The following MGST1 variants were observed in gnomAD, a reference collection of about 807,000 sequenced individuals.
The protein encoded by MGST1 is microsomal glutathione S-transferase 1.
A neutral mutation model predicts 8.9 loss-of-function variants in MGST1; 5 were observed. That is an observed-to-expected ratio of 0.56 (90% CI 0.29 to 1.19). MGST1 has a LOEUF of 1.19. Ranked by LOEUF, MGST1 falls within the 50% of genes most tolerant of loss-of-function variation. The pLI is 0.08. For missense variants in MGST1, 182 were observed against 187.4 expected, an observed-to-expected ratio of 0.97 and a Z score of 0.17; for synonymous variants, 54 against 67.8, an observed-to-expected ratio of 0.80 and a Z score of 1.00.
At chr12:16,448,151 A>G (rs1279559631) in intron 4 of MGST1, among the ~76,000 whole-genome samples, 3 of 151,956 alleles carry the variant, frequency 2.0e-5, no homozygotes, top group Non-Finnish European at 2.9e-5. Context: ...TGAAAGGACA[A>G]TGAGTACGAC....
At position 16,546,573 on chromosome 12, in the gene MGST1, T is replaced by G. The variant is rs555663920; in HGVS notation, n.483-42955T>G. 3.3e-5 allele frequency among the ~76,000 whole-genome samples: 5 copies of G among 152,296 alleles called. No individual in the cohort carries two copies. The highest frequency in any genetic ancestry group is 1.3e-4 in the Admixed American group (2 of 15,270). ...AACAGGAGTATCTTTGAATTTAACA[T>G]ATTTTCCTTTTCAGAAAACAGAATT... On this transcript the variant is annotated intron_variant and non_coding_transcript_variant, in intron 4 of 4. Transcript: ENST00000538857. The surrounding 1 kb of genome is among the most constrained non-coding windows in gnomAD (Gnocchi z 4.7).
Position 16,364,156 on chromosome 12 carries a change from G to A in MGST1, c.*115G>A. 2 of 1,401,324 alleles carry A rather than the reference G, an allele frequency of 1.4e-6. No homozygotes were observed. Among genetic ancestry groups the A allele is most frequent in the South Asian group, 1.8e-5 (1 of 55,302 alleles). The allele number at this position is 1,401,324 out of a possible 1,614,324, so 86.8% of individuals were successfully genotyped here. On this transcript the variant is annotated 3_prime_UTR_variant, in exon 4 of 4. Coordinates refer to ENST00000396210, the MANE Select transcript of MGST1 (RefSeq NM_020300.5). The surrounding 1 kb of genome is among the most constrained non-coding windows in gnomAD (Gnocchi z 5.7). Reference sequence around the variant, plus strand: ...AGGGGAGCAGAGGAATTATGAACTGGGGTAAACCCATTTTGAATATTAGCA... The same window carrying A: ...AGGGGAGCAGAGGAATTATGAACTGAGGTAAACCCATTTTGAATATTAGCA...
At chr12:16,511,306 G>C (rs1941575773) in intron 4 of MGST1, among the ~76,000 whole-genome samples, 1 of 152,186 alleles carries the variant, frequency 6.6e-6, no homozygotes, top group Admixed American at 6.5e-5. Flanking sequence ...CCCCTGTGGG[G>C]CTAATGCCCA....
chr12:16,376,225 C>A, exon 4 of MGST1: 2 of 701,778 alleles, frequency 2.8e-6, no homozygotes, highest in Admixed American at 3.0e-5. Context: ...AGAAGCAAAC[C>A]AGTGAATAAT....
chr12:16,441,524 G>T (rs965318505), downstream of MGST1, among the ~76,000 whole-genome samples: 5 of 151,756 alleles, frequency 3.3e-5, no homozygotes, highest in Non-Finnish European at 7.4e-5. Flanking sequence ...AGCGATCATT[G>T]ACTTTTTACT....
chr12:16,518,941 C>T (rs181647688), intron 4 of MGST1, among the ~76,000 whole-genome samples: 10 of 152,276 alleles, frequency 6.6e-5, no homozygotes, highest in Non-Finnish European at 5.9e-5. Flanking sequence ...CTTTCATATG[C>T]TTCTAATCGG....
rs137949949 is a variant in MGST1, at chr12:16,538,585, A to T, written n.483-50943A>T. ...ATATGGCTGGGGAGGCTTCAGAATC[A>T]TGGCAAGAGATGAAAGGCACTTCTT... On this transcript the variant is annotated intron_variant and non_coding_transcript_variant, in intron 4 of 4. Transcript: ENST00000538857. Among the ~76,000 whole-genome samples the T allele has an allele frequency of 6.9e-3, 1,045 of 151,314 alleles. 15 individuals carry two copies. Among genetic ancestry groups the T allele is most frequent in the African/African-American group, 0.024 (985 of 41,152 alleles).
At chr12:16,505,448 A>G (rs1251139380) in intron 4 of MGST1, among the ~76,000 whole-genome samples, 2 of 152,028 alleles carry the variant, frequency 1.3e-5, no homozygotes, top group East Asian at 1.9e-4. Flanking sequence ...TACTCCATCA[A>G]AACTTTATCA....
rs1487915663 is a variant in MGST1 at position 16,534,614 on chromosome 12, TATA to T, written n.483-54911_483-54909del. Among the ~76,000 whole-genome samples the T allele has an allele frequency of 3.3e-5, 5 of 152,308 alleles. No individual in the cohort carries two copies. The East Asian group carries it at 9.7e-4, about 29-fold the overall frequency. Reference sequence around the variant, plus strand: ...AATGATCTTGACATATTTAATAATATATAATCTGTAATTTTTAATCCCGGAAAT... The same window carrying T: ...AATGATCTTGACATATTTAATAATATATCTGTAATTTTTAATCCCGGAAAT... On this transcript the variant is annotated intron_variant and non_coding_transcript_variant, in intron 4 of 4. Coordinates refer to the MGST1 transcript ENST00000538857.
At chr12:16,423,431 CA>C (rs1039313727) in intron 1 of MGST1, among the ~76,000 whole-genome samples, 13 of 143,022 alleles carry the variant, frequency 9.1e-5, no homozygotes, top group African/African-American at 2.0e-4. Context: ...AACCTATGTA[CA>C]AAAAAAATTC....
intron 1 of MGST1, among the ~76,000 whole-genome samples, chr12:16,407,358 T>A (rs1940704556): frequency 6.6e-6 from 1 of 152,056 alleles, no homozygotes; most frequent in Non-Finnish European, 1.5e-5. Context: ...AAAACCCCAA[T>A]GAGATACCAT....
chr12:16,519,504 T>C (rs1012060246), intron 4 of MGST1, among the ~76,000 whole-genome samples: 1 of 152,218 alleles, frequency 6.6e-6, no homozygotes, highest in Non-Finnish European at 1.5e-5. Flanking sequence ...TTCAAGTATA[T>C]GCACTAGAGG....
chr12:16,509,408 GTTT>G (rs1167283330), intron 4 of MGST1, among the ~76,000 whole-genome samples: 7 of 151,940 alleles, frequency 4.6e-5, no homozygotes, highest in African/African-American at 1.5e-4. Flanking sequence ...TTTTCATAGT[GTTT>G]AGCATTAAAA....
chr12:16,443,966 G>A (rs903437382), intron 4 of MGST1, among the ~76,000 whole-genome samples: 5 of 151,844 alleles, frequency 3.3e-5, no homozygotes, highest in African/African-American at 1.2e-4. Context: ...CCACTAAATT[G>A]TTGTAATCTC....
At chr12:16,453,018 A>G (rs1941142462) in intron 4 of MGST1, among the ~76,000 whole-genome samples, 1 of 152,024 alleles carries the variant, frequency 6.6e-6, no homozygotes, top group Admixed American at 6.6e-5. Context: ...ATCTTAATTT[A>G]ACAGGATTCA....
rs560897483 is a variant in MGST1, at chr12:16,413,588, A to G, written n.779-23800A>G. ...CCTGATTCCCTTTTATCCCCTCCCCAGGTCCAGTGAGTAAACTCTCACTTA... is the reference window on the plus strand; with the variant it reads ...CCTGATTCCCTTTTATCCCCTCCCCGGGTCCAGTGAGTAAACTCTCACTTA... On this transcript the variant is annotated intron_variant and non_coding_transcript_variant, in intron 1 of 1. Coordinates refer to the MGST1 transcript ENST00000359720. The surrounding 1 kb of genome is among the most constrained non-coding windows in gnomAD (Gnocchi z 4.0). Among the ~76,000 whole-genome samples, 17 of 152,276 alleles carry G rather than the reference A, an allele frequency of 1.1e-4. No homozygotes were observed. The highest frequency in any genetic ancestry group is 3.8e-4 in the African/African-American group (16 of 41,572).
intron 4 of MGST1, among the ~76,000 whole-genome samples, chr12:16,511,618 A>C: frequency 6.6e-6 from 1 of 152,338 alleles, no homozygotes; most frequent in Non-Finnish European, 1.5e-5. Context: ...CTTTAGGCTA[A>C]GAAAGGGAAT....
At chr12:16,428,978 T>C (rs1940916422) in intron 1 of MGST1, among the ~76,000 whole-genome samples, 1 of 152,132 alleles carries the variant, frequency 6.6e-6, no homozygotes, top group Non-Finnish European at 1.5e-5. Context: ...TAATATTGTC[T>C]ACAATTGTAG....
At chr12:16,570,420 C>T (rs1182867244) in intron 4 of MGST1, among the ~76,000 whole-genome samples, 2 of 151,136 alleles carry the variant, frequency 1.3e-5, no homozygotes, top group Non-Finnish European at 2.9e-5. Flanking sequence ...TTACTCATCT[C>T]GTAATTAAGG....
Sources: gnomAD v4.1 joint callset for allele counts (sites outside exome capture counted in the v4.1 genomes callset) on GRCh38, gnomAD v4.1.1 for gene constraint, Gnocchi (gnomAD v3.1) non-coding constraint, MANE v1.5 for transcripts, NCBI Gene and HGNC (gene_info 2026-07-23, HGNC 2026-07-21) for gene names.